The following ATP8A2 variants were observed in gnomAD, a reference collection of about 807,000 sequenced individuals.
ATP8A2 encodes the protein phospholipid-transporting ATPase IB.
A neutral mutation model predicts 165.6 loss-of-function variants in ATP8A2; 100 were observed. The observed-to-expected ratio is 0.60, with a 90% confidence interval of 0.51 to 0.71. The LOEUF (loss-of-function observed/expected upper bound fraction) is 0.71. Ranked by LOEUF, ATP8A2 falls within the 30% of genes least tolerant of loss-of-function variation. The probability of loss-of-function intolerance (pLI) is 0.00; values close to 1 mark genes in which losing one functional copy is unlikely to be tolerated. For missense variants in ATP8A2, 1,227 were observed against 1,479.5 expected (o/e 0.83, Z 2.80); for synonymous variants, 543 against 548.8 (o/e 0.99, Z 0.15).
At chr13:25,581,291 G>A (rs1048139552) in intron 22 of ATP8A2, among the ~76,000 whole-genome samples, 2 of 152,180 alleles carry the variant, frequency 1.3e-5, no homozygotes, top group African/African-American at 4.8e-5. Flanking sequence ...AGCATGAGCT[G>A]ATCTGCCCTG....
intron 1 of ATP8A2, among the ~76,000 whole-genome samples, chr13:25,384,745 T>C (rs932539245): frequency 3.3e-5 from 5 of 152,252 alleles, no homozygotes; most frequent in African/African-American, 1.2e-4. Context: ...ATTACACTTA[T>C]TTAAAAATCT....
intron 1 of ATP8A2, among the ~76,000 whole-genome samples, chr13:25,430,187 G>T (rs1173630521): frequency 6.6e-6 from 1 of 152,096 alleles, no homozygotes; most frequent in Non-Finnish European, 1.5e-5. Context: ...GTCCATGAGA[G>T]AGGTCCAGGC....
chr13:25,985,749 T>C (rs1204954007), intron 35 of ATP8A2, among the ~76,000 whole-genome samples: 1 of 152,182 alleles, frequency 6.6e-6, no homozygotes, highest in Non-Finnish European at 1.5e-5. Flanking sequence ...TGACAACCAA[T>C]TGACCGAAGT....
Position 25,431,369 on chromosome 13 carries a change from G to A in ATP8A2, c.77-37608G>A, listed in dbSNP as rs1180704525. ...TCTCCATGTTGGTCAGGCTGGTCTC[G>A]AACTCCCGACCTCAAGTGGTCAGCT... On this transcript the variant is annotated intron_variant, in intron 1 of 36. Transcript: ENST00000381655. 2.0e-5 allele frequency among the ~76,000 whole-genome samples: 3 copies of A among 151,946 alleles called. No homozygotes were observed. In the East Asian group the frequency reaches 5.9e-4, roughly 30 times the overall value.
chr13:25,860,847 C>T lies in ATP8A2; in HGVS notation c.3062C>T (p.Thr1021Ile). 1.3e-6 allele frequency: 2 copies of T among 1,593,450 alleles called. No homozygotes were observed. The highest frequency in any genetic ancestry group is 1.7e-5 in the Admixed American group (1 of 58,388). The change falls in exon 32 of 37, where the codon ACA becomes ATA. Residue 1021 changes from threonine (T) to isoleucine (I), a missense_variant. Thr to Ile is a moderately conservative substitution (Grantham distance 89). Coordinates refer to ENST00000381655, the MANE Select transcript of ATP8A2 (RefSeq NM_016529.6). ...TGTCTGAAAGCTGGTTTGGAGACCACAGCTTGGACTAAAGTAAGTTTTCTC... is the reference window on the plus strand; with the variant it reads ...TGTCTGAAAGCTGGTTTGGAGACCATAGCTTGGACTAAAGTAAGTTTTCTC... ...TVCLKAGLET[T>I]AWTKFSHLAV...
At chr13:25,879,227 C>G (rs563238064) in intron 33 of ATP8A2, among the ~76,000 whole-genome samples, 1 of 152,200 alleles carries the variant, frequency 6.6e-6, no homozygotes, top group Non-Finnish European at 1.5e-5. Context: ...AATGCTTTAT[C>G]GAGCACCTGG....
At chr13:25,870,561 G>A (rs539667528) in intron 33 of ATP8A2, among the ~76,000 whole-genome samples, 1 of 152,278 alleles carries the variant, frequency 6.6e-6, no homozygotes, top group South Asian at 2.1e-4. Context: ...CATGTGTAAT[G>A]AAGTAAGCAT....
chr13:25,408,804 T>A (rs2033884282), intron 1 of ATP8A2, among the ~76,000 whole-genome samples: 1 of 152,220 alleles, frequency 6.6e-6, no homozygotes, highest in Non-Finnish European at 1.5e-5. Flanking sequence ...GAAACTAATT[T>A]TACATCCAAT....
intron 1 of ATP8A2, among the ~76,000 whole-genome samples, chr13:25,401,617 T>G (rs2033638499): frequency 6.6e-6 from 1 of 152,180 alleles, no homozygotes; most frequent in African/African-American, 2.4e-5. Context: ...AAGTGCTTGT[T>G]GGTTCAGGAG....
At chr13:25,450,563 G>T (rs183946842) in intron 1 of ATP8A2, among the ~76,000 whole-genome samples, 59 of 151,950 alleles carry the variant, frequency 3.9e-4, no homozygotes, top group African/African-American at 1.4e-3. Flanking sequence ...ACGGAGTCTC[G>T]CTCTGTCGCC....
chr13:25,843,539 C>T (rs897573895), intron 30 of ATP8A2, among the ~76,000 whole-genome samples: 1 of 152,144 alleles, frequency 6.6e-6, no homozygotes, highest in African/African-American at 2.4e-5. Context: ...TTTGCCCCTT[C>T]CACTATGTGG....
chr13:25,617,603 C>T (rs2040859701), intron 24 of ATP8A2, among the ~76,000 whole-genome samples: 1 of 152,178 alleles, frequency 6.6e-6, no homozygotes. Context: ...AGTTGTCTCA[C>T]TAACTCCATT....
rs568745912 is a variant in ATP8A2 at position 25,898,770 on chromosome 13, G to A, written c.3183+36362G>A. On this transcript the variant is annotated intron_variant, in intron 33 of 36. Coordinates refer to ENST00000381655, the MANE Select transcript of ATP8A2 (RefSeq NM_016529.6). ...CAGCCTCGCTGCCGCCTTGCAGTTT[G>A]ATCTCAGACTACTGTACTAGCAATG... is the stretch of plus-strand genomic sequence containing the variant. 2.6e-4 allele frequency among the ~76,000 whole-genome samples: 40 copies of A among 152,330 alleles called. 1 individual carries two copies. The South Asian group carries it at 8.1e-3, about 31-fold the overall frequency.
At chr13:25,537,932 T>C in intron 6 of ATP8A2, 56 bp from the exon 7 acceptor site, 4 of 1,211,834 alleles carry the variant, frequency 3.3e-6, no homozygotes, top group Non-Finnish European at 3.6e-6. Context: ...TTTTTCACCA[T>C]GTGTGTTTTG....
At chr13:25,900,889 G>A (rs530271559) in intron 33 of ATP8A2, among the ~76,000 whole-genome samples, 84 of 152,316 alleles carry the variant, frequency 5.5e-4, no homozygotes, top group African/African-American at 1.8e-3. Flanking sequence ...TTCTAGCCAC[G>A]TCCACTGCGA....
chr13:26,016,923 C>T, intron 36 of ATP8A2, among the ~76,000 whole-genome samples: 1 of 152,116 alleles, frequency 6.6e-6, no homozygotes, highest in Non-Finnish European at 1.5e-5. Context: ...CAGAAAAGTA[C>T]ATCAAGACCC....
chr13:25,607,896 T>G (rs1203390730), intron 24 of ATP8A2, among the ~76,000 whole-genome samples: 1 of 152,238 alleles, frequency 6.6e-6, no homozygotes, highest in African/African-American at 2.4e-5. Context: ...ACCAGTGATT[T>G]TCTTTTTTGG....
At chr13:26,007,569 C>A (rs1791987656) in intron 35 of ATP8A2, among the ~76,000 whole-genome samples, 1 of 152,130 alleles carries the variant, frequency 6.6e-6, no homozygotes, top group Non-Finnish European at 1.5e-5. Context: ...TTATAGAAAC[C>A]AGGTGGAGTC....
intron 27 of ATP8A2, among the ~76,000 whole-genome samples, chr13:25,778,194 G>C (rs1234914880): frequency 6.6e-6 from 1 of 152,170 alleles, no homozygotes; most frequent in African/African-American, 2.4e-5. Flanking sequence ...TGGAATAACA[G>C]CTTTCTCACT....
Sources: allele counts gnomAD v4.1 joint callset (sites outside exome capture counted in the v4.1 genomes callset), GRCh38; gene constraint gnomAD v4.1.1; transcripts MANE v1.5; gene names NCBI Gene and HGNC (gene_info 2026-07-23, HGNC 2026-07-21).